Variants in MACROD2 observed in about 807,000 individuals in gnomAD.
MACROD2 encodes mono-ADP ribosylhydrolase 2.
MACROD2 carries 36 observed loss-of-function variants against 70.4 expected under a neutral mutation model. The observed-to-expected ratio is 0.51, with a 90% CI of 0.39 to 0.68. The LOEUF is 0.68. Among genes scored for constraint, MACROD2 ranks in the 30% least tolerant of loss-of-function variants. The pLI, the probability that MACROD2 is intolerant of heterozygous loss-of-function variation, is 0.00. For missense variants in MACROD2, 496 were observed against 538.4 expected (o/e 0.92, Z 0.78); for synonymous variants, 172 against 178.8 (o/e 0.96, Z 0.30).
At chr20:15,042,649 G>C (rs530795067) in intron 5 of MACROD2, among the ~76,000 whole-genome samples, 1 of 152,308 alleles carries the variant, frequency 6.6e-6, no homozygotes, top group African/African-American at 2.4e-5. Context: ...CCTCAGGATT[G>C]TGGATGAACT....
At chr20:15,861,940 G>A (rs895485022) in intron 8 of MACROD2, among the ~76,000 whole-genome samples, 1 of 152,124 alleles carries the variant, frequency 6.6e-6, no homozygotes, top group Non-Finnish European at 1.5e-5. Flanking sequence ...AATAACTAAA[G>A]GGTTATTTAT....
At chr20:15,749,014 TTGTATACAAATTA>T (rs2146977122) in intron 8 of MACROD2, among the ~76,000 whole-genome samples, 1 of 152,290 alleles carries the variant, frequency 6.6e-6, no homozygotes, top group South Asian at 2.1e-4. Context: ...AAGCATAGCT[TTGTATACAAATTA>T]TGTATACAAA....
intron 5 of MACROD2, among the ~76,000 whole-genome samples, chr20:14,707,622 C>A (rs1206487807): frequency 6.6e-6 from 1 of 152,132 alleles, no homozygotes; most frequent in East Asian, 1.9e-4. Context: ...TTCCCAGCCG[C>A]CTACATCCGG....
At chr20:15,497,052 A>T (rs1426202050) in intron 7 of MACROD2, among the ~76,000 whole-genome samples, 1 of 152,236 alleles carries the variant, frequency 6.6e-6, no homozygotes, top group Non-Finnish European at 1.5e-5. Context: ...CTTGGTTACC[A>T]ACAGGGGAGT....
At chr20:15,222,174 A>G (rs937165894) in intron 5 of MACROD2, among the ~76,000 whole-genome samples, 1 of 152,228 alleles carries the variant, frequency 6.6e-6, no homozygotes, top group African/African-American at 2.4e-5. Context: ...ATAGACAGAA[A>G]TCCTTCATAC....
chr20:14,031,570 G>A (rs1392744604), intron 2 of MACROD2, among the ~76,000 whole-genome samples: 1 of 152,068 alleles, frequency 6.6e-6, no homozygotes, highest in Non-Finnish European at 1.5e-5. Flanking sequence ...ATTGATTTAT[G>A]TTGTGTGATG....
chr20:14,916,294 T>G (rs1344812538), intron 5 of MACROD2, among the ~76,000 whole-genome samples: 5 of 152,128 alleles, frequency 3.3e-5, no homozygotes, highest in African/African-American at 1.2e-4. Context: ...ATACAAGTCC[T>G]GACAAAATTA....
chr20:15,747,492 T>C lies in MACROD2; in HGVS notation c.646-115253T>C, dbSNP rs958569976. 5.3e-5 allele frequency among the ~76,000 whole-genome samples: 8 copies of C among 152,184 alleles called. No homozygotes were observed. The South Asian group carries it at 1.7e-3, about 31-fold the overall frequency. On this transcript the variant is annotated intron_variant, in intron 8 of 17. Coordinates refer to ENST00000684519, the MANE Select transcript of MACROD2 (RefSeq NM_001351661.2). ...TGACTGTGTTTAATGCCAAACTAAA[T>C]TTGAATTCCTGGATGAACCCAGTAG...
At position 15,770,094 on chromosome 20, in the gene MACROD2, T is replaced by C. The variant is rs573344531; in HGVS notation, c.646-92651T>C. Among the ~76,000 whole-genome samples, 18 of 97,634 alleles carry C rather than the reference T, an allele frequency of 1.8e-4. No homozygotes were observed. The East Asian group carries it at 2.6e-3, about 14-fold the overall frequency. The allele number at this position is 97,634 out of a possible 152,430, so 64.1% of individuals were successfully genotyped here. ...TTTTAATTTATTTTAATTTTCTTTT[T>C]TTTTTTTTTTTTTTTTTAGAGATAG... On this transcript the variant is annotated intron_variant, in intron 8 of 17. Transcript: ENST00000684519.
intron 6 of MACROD2, among the ~76,000 whole-genome samples, chr20:15,387,289 G>C (rs2045726998): frequency 6.6e-6 from 1 of 152,026 alleles, no homozygotes; most frequent in South Asian, 2.1e-4. Context: ...GGTCACCTAG[G>C]TTTAATCATA....
chr20:15,937,001 G>T (rs1041443964), intron 11 of MACROD2, among the ~76,000 whole-genome samples: 2 of 152,120 alleles, frequency 1.3e-5, no homozygotes, highest in Admixed American at 6.6e-5. Flanking sequence ...CCAGGCCTCT[G>T]TGCTGACAGC....
intron 3 of MACROD2, among the ~76,000 whole-genome samples, chr20:14,255,032 G>T (rs924834567): frequency 6.6e-6 from 1 of 152,170 alleles, no homozygotes; most frequent in Non-Finnish European, 1.5e-5. Flanking sequence ...GAAATTCTGA[G>T]TTGAAAATTC....
chr20:14,462,425 T>G (rs188469727), intron 3 of MACROD2, among the ~76,000 whole-genome samples: 1 of 152,168 alleles, frequency 6.6e-6, no homozygotes, highest in Non-Finnish European at 1.5e-5. Context: ...TTGTAGATTC[T>G]GGATATAAGC....
chr20:15,953,247 A>G (rs1416069316), intron 12 of MACROD2, among the ~76,000 whole-genome samples: 1 of 152,154 alleles, frequency 6.6e-6, no homozygotes, highest in Non-Finnish European at 1.5e-5. Flanking sequence ...GAGATGTGTT[A>G]AAGGATACAA....
chr20:15,752,503 A>T lies in MACROD2; in HGVS notation c.646-110242A>T, dbSNP rs146748483. ...CATACACATGAATTTCTGTTCCAGT[A>T]TGAGCAGTCCAATTACAGAACCTGC... On this transcript the variant is annotated intron_variant, in intron 8 of 17. Transcript: ENST00000684519. Among the ~76,000 whole-genome samples, 240 of 152,234 alleles carry T rather than the reference A, an allele frequency of 1.6e-3. 2 individuals carry two copies. The highest frequency in any genetic ancestry group is 5.4e-3 in the African/African-American group (223 of 41,564).
At chr20:14,929,913 G>A (rs1373814499) in intron 5 of MACROD2, among the ~76,000 whole-genome samples, 1 of 152,112 alleles carries the variant, frequency 6.6e-6, no homozygotes, top group Non-Finnish European at 1.5e-5. Context: ...TGTAATCCCA[G>A]CACTTTGGGA....
At chr20:15,268,004 A>G (rs1391496274) in intron 6 of MACROD2, among the ~76,000 whole-genome samples, 2 of 152,234 alleles carry the variant, frequency 1.3e-5, no homozygotes, top group Non-Finnish European at 2.9e-5. Context: ...TCATGTGACA[A>G]GAACCCAGTT....
chr20:15,143,169 A>G (rs1384594152), intron 5 of MACROD2, among the ~76,000 whole-genome samples: 1 of 152,084 alleles, frequency 6.6e-6, no homozygotes, highest in African/African-American at 2.4e-5. Context: ...CCTCTCCAGC[A>G]CCTGTTGTTT....
chr20:14,303,903 A>C (rs910344448), intron 3 of MACROD2, among the ~76,000 whole-genome samples: 7 of 152,284 alleles, frequency 4.6e-5, no homozygotes, highest in African/African-American at 1.4e-4. Context: ...GGTATCTTCT[A>C]TGATTCTTTT....
Sources: allele counts gnomAD v4.1 joint callset (sites outside exome capture counted in the v4.1 genomes callset), GRCh38; gene constraint gnomAD v4.1.1; transcripts MANE v1.5; gene names NCBI Gene and HGNC (gene_info 2026-07-23, HGNC 2026-07-21).